CLYBL: variants seen among roughly 807,000 people sequenced by gnomAD.
CLYBL encodes the protein citramalyl-CoA lyase.
Under a neutral mutation model 38.9 loss-of-function variants are expected in CLYBL, and 31 were observed. The ratio of observed to expected loss-of-function variants is 0.80; its 90% CI spans 0.60 to 1.08. The LOEUF is 1.08. CLYBL is among the 50% of genes least tolerant of loss of function. The pLI is 0.00. For synonymous variants in CLYBL, 171 were observed against 158.6 expected, an observed-to-expected ratio of 1.08 and a Z score of -0.59; for missense variants, 434 against 411.6, an observed-to-expected ratio of 1.05 and a Z score of -0.47.
At chr13:99,760,738 T>A (rs552512199) in intron 1 of CLYBL, among the ~76,000 whole-genome samples, 1 of 152,310 alleles carries the variant, frequency 6.6e-6, no homozygotes, top group African/African-American at 2.4e-5. Context: ...CTTTCCTTTT[T>A]TATTGATAAG....
intron 1 of CLYBL, among the ~76,000 whole-genome samples, chr13:99,767,116 T>C (rs2049284282): frequency 1.3e-5 from 2 of 152,224 alleles, no homozygotes; most frequent in Non-Finnish European, 2.9e-5. Context: ...CTTTTTCCAG[T>C]GTAGAAACCT....
At chr13:99,682,163 A>C (rs1324548129) in intron 1 of CLYBL, among the ~76,000 whole-genome samples, 1 of 150,352 alleles carries the variant, frequency 6.7e-6, no homozygotes, top group African/African-American at 2.5e-5. Flanking sequence ...TTTTTTTTGG[A>C]GACAGAGTCT....
At chr13:99,899,803 T>C (rs2052620878), downstream of CLYBL, among the ~76,000 whole-genome samples, 1 of 152,160 alleles carries the variant, frequency 6.6e-6, no homozygotes, top group African/African-American at 2.4e-5. Flanking sequence ...TCAGTAAAGA[T>C]CAAGTGACTT....
At chr13:99,687,463 A>G (rs1474626602) in intron 1 of CLYBL, among the ~76,000 whole-genome samples, 2 of 152,228 alleles carry the variant, frequency 1.3e-5, no homozygotes, top group African/African-American at 4.8e-5. Flanking sequence ...GCTAGTCAGC[A>G]TCGGACTGAG....
Position 99,770,076 on chromosome 13 carries a change from C to CTTTT in CLYBL, c.63-2745_63-2744insTTTT, listed in dbSNP as rs68172402. The stretch of plus-strand genomic sequence containing the variant: ...TTTAACTTTTCTTTCTTTTTCTTTT[C>CTTTT]TTTCTTTTTTTTTTTTTTTTTGAGA... On this transcript the variant is annotated intron_variant, in intron 1 of 8. Transcript: ENST00000339105. Among the ~76,000 whole-genome samples the CTTTT allele has an allele frequency of 1.6e-4, 20 of 121,984 alleles. 2 individuals are homozygous for CTTTT. Among genetic ancestry groups the CTTTT allele is most frequent in the Admixed American group, 5.1e-4 (6 of 11,678 alleles). 80.0% of individuals were successfully genotyped at this position (121,984 alleles called of 152,430 possible).
At chr13:99,903,386 G>A (rs773697549) in intron 8 of CLYBL, among the ~76,000 whole-genome samples, 9 of 150,920 alleles carry the variant, frequency 6.0e-5, no homozygotes, top group African/African-American at 1.2e-4. Flanking sequence ...ACACACGCAC[G>A]CACACTGACA....
At chr13:99,679,304 A>G (rs4772230) in intron 1 of CLYBL, among the ~76,000 whole-genome samples, 3 of 137,748 alleles carry the variant, frequency 2.2e-5, no homozygotes, top group Admixed American at 7.3e-5. Context: ...AAAAAAAAAA[A>G]AAAAGAAAAG....
At chr13:99,846,154 A>G (rs2051199594) in intron 2 of CLYBL, among the ~76,000 whole-genome samples, 1 of 152,130 alleles carries the variant, frequency 6.6e-6, no homozygotes, top group Non-Finnish European at 1.5e-5. Context: ...GTCTCTACAA[A>G]ATACATAAGT....
rs752821115 is a variant in CLYBL at position 99,888,810 on chromosome 13, A to C, written c.928-2508A>C. On this transcript the variant is annotated intron_variant, in intron 7 of 8. Transcript: ENST00000339105. ...GGAAGATTTCAAACCCTCCTCAAAA[A>C]TCCAAGTAGCTTTTTGATGAACTGC... is the stretch of plus-strand genomic sequence containing the variant. 7.2e-5 allele frequency among the ~76,000 whole-genome samples: 11 copies of C among 152,262 alleles called. 1 individual carries two copies. The highest frequency in any genetic ancestry group is 3.4e-3 in the Middle Eastern group (1 of 294).
At chr13:99,685,214 A>C (rs145516240) in intron 1 of CLYBL, among the ~76,000 whole-genome samples, 394 of 152,324 alleles carry the variant, frequency 2.6e-3, no homozygotes, top group African/African-American at 8.9e-3. Flanking sequence ...TTTCTGGTAC[A>C]TTTACAAGCT....
At chr13:99,833,003 C>CAT (rs1566345646) in intron 2 of CLYBL, among the ~76,000 whole-genome samples, 5 of 73,310 alleles carry the variant, frequency 6.8e-5, no homozygotes, top group African/African-American at 2.1e-4. Flanking sequence ...TACATACATA[C>CAT]ATACATATAT....
chr13:99,647,869 G>A (rs1410286712), intron 1 of CLYBL, among the ~76,000 whole-genome samples: 1 of 152,092 alleles, frequency 6.6e-6, no homozygotes, highest in Non-Finnish European at 1.5e-5. Context: ...AGTTGAGAAC[G>A]ATTGCAAATA....
chr13:99,766,815 A>G (rs887360494), intron 1 of CLYBL, among the ~76,000 whole-genome samples: 4 of 152,042 alleles, frequency 2.6e-5, no homozygotes, highest in Non-Finnish European at 5.9e-5. Context: ...TTTTCTTGGC[A>G]GGGTGGGAAG....
chr13:99,840,750 CAAAAAAAAAAAAAAAAA>C (rs59274056), intron 2 of CLYBL, among the ~76,000 whole-genome samples: 1 of 16,788 alleles, frequency 6.0e-5, no homozygotes, highest in Non-Finnish European at 1.0e-4. Flanking sequence ...ACCCTTGTCT[CAAAAAAAAAAAAAAAAA>C]AAAAAAAAAA....
chr13:99,718,722 CT>C (rs1203780174), intron 1 of CLYBL, among the ~76,000 whole-genome samples: 8 of 152,090 alleles, frequency 5.3e-5, no homozygotes, highest in African/African-American at 1.9e-4. Context: ...AAATATTTTT[CT>C]GATAAAATGT....
chr13:99,732,892 T>A (rs2048614227), intron 1 of CLYBL, among the ~76,000 whole-genome samples: 1 of 152,224 alleles, frequency 6.6e-6, no homozygotes, highest in Non-Finnish European at 1.5e-5. Flanking sequence ...AGCACATTGG[T>A]TTGTAGGTAA....
chr13:99,833,576 TC>T (rs1225501803), intron 2 of CLYBL, among the ~76,000 whole-genome samples: 1 of 146,118 alleles, frequency 6.8e-6, no homozygotes, highest in Non-Finnish European at 1.5e-5. Context: ...TCCAGTCACC[TC>T]CCCCAACACA....
At chr13:99,655,731 T>C (rs2047320760) in intron 1 of CLYBL, among the ~76,000 whole-genome samples, 1 of 152,210 alleles carries the variant, frequency 6.6e-6, no homozygotes, top group Admixed American at 6.5e-5. Flanking sequence ...TGGCCCTGTC[T>C]GGGTGCCCGT....
At chr13:99,896,056 GC>G (rs887237197), downstream of CLYBL, 3 of 151,356 alleles carry the variant, frequency 2.0e-5, no homozygotes, top group Admixed American at 6.6e-5. Flanking sequence ...GCCCTGCGGA[GC>G]CCCGAGGCCT....
Sources: allele counts gnomAD v4.1 joint callset (sites outside exome capture counted in the v4.1 genomes callset), GRCh38; gene constraint gnomAD v4.1.1; transcripts MANE v1.5; gene names NCBI Gene and HGNC (gene_info 2026-07-23, HGNC 2026-07-21).